HAPLN1: variants seen among roughly 807,000 people sequenced by gnomAD.
HAPLN1 encodes the protein hyaluronan and proteoglycan link protein 1.
Under a neutral mutation model 36.5 loss-of-function variants are expected in HAPLN1, and 13 were observed. That is an observed-to-expected ratio of 0.36 (90% CI 0.23 to 0.57). The LOEUF (loss-of-function observed/expected upper bound fraction) is 0.57, where lower values mean the gene tolerates loss of function less well. Among genes scored for constraint, HAPLN1 ranks in the 20% least tolerant of loss-of-function variants. HAPLN1 has a pLI of 0.83. For synonymous variants in HAPLN1, 202 were observed against 169.8 expected (o/e 1.19, Z -1.48); for missense variants, 407 against 439.7 (o/e 0.93, Z 0.66).
intron 2 of HAPLN1, among the ~76,000 whole-genome samples, chr5:83,671,921 A>G (rs1056102529): frequency 3.9e-5 from 6 of 152,252 alleles, no homozygotes; most frequent in Non-Finnish European, 8.8e-5. Context: ...ACTCTGGGTC[A>G]GAAATCCCCT....
Position 83,661,492 on chromosome 5 carries a change from C to T in HAPLN1, c.101-8668G>A, listed in dbSNP as rs1341506051. On this transcript the variant is annotated intron_variant, in intron 2 of 4. Transcript: ENST00000274341. ...CGGAGTCCTGCTCTGTTGCGAAGGC[C>T]GGAGTGCAGTGGCGCGATCTCAGCT... Among the ~76,000 whole-genome samples the T allele has an allele frequency of 7.1e-5, 9 of 127,588 alleles. No individual in the cohort carries two copies. The South Asian group carries it at 9.9e-4, about 14-fold the overall frequency. The allele number at this position is 127,588 out of a possible 152,430, so 83.7% of individuals were successfully genotyped here. A position where few individuals can be genotyped will look rare whatever the true frequency, so the allele number is the denominator to read the frequency against.
chr5:83,681,918 A>G (rs1751011625), intron 1 of HAPLN1, among the ~76,000 whole-genome samples: 1 of 152,200 alleles, frequency 6.6e-6, no homozygotes, highest in South Asian at 2.1e-4. Context: ...GCACACAACT[A>G]AATGAATACA....
intron 1 of HAPLN1, among the ~76,000 whole-genome samples, chr5:83,709,908 A>G (rs141007904): frequency 5.3e-5 from 8 of 152,318 alleles, no homozygotes; most frequent in African/African-American, 1.9e-4. Context: ...GATTTATGCT[A>G]ATGGAGAGAG....
chr5:83,709,034 C>A (rs1343486493), intron 1 of HAPLN1, among the ~76,000 whole-genome samples: 1 of 152,098 alleles, frequency 6.6e-6, no homozygotes, highest in Admixed American at 6.5e-5. Flanking sequence ...TGCCACCATG[C>A]CCTGATAATT....
At chr5:83,714,435 G>A (rs750037180) in intron 1 of HAPLN1, among the ~76,000 whole-genome samples, 10 of 152,126 alleles carry the variant, frequency 6.6e-5, no homozygotes, top group Non-Finnish European at 1.3e-4. Context: ...AACATAAACT[G>A]AGAAGATATT....
chr5:83,642,662 A>G (rs562176097), intron 4 of HAPLN1, among the ~76,000 whole-genome samples: 74 of 152,314 alleles, frequency 4.9e-4, no homozygotes, highest in Non-Finnish European at 8.2e-4. Flanking sequence ...TTGCCTGATT[A>G]GACATGTAAT....
intron 1 of HAPLN1, among the ~76,000 whole-genome samples, chr5:83,717,047 A>G (rs1431901953): frequency 1.3e-5 from 2 of 152,092 alleles, no homozygotes; most frequent in Non-Finnish European, 2.9e-5. Flanking sequence ...AAAAAAAACA[A>G]AAACTAGAAA....
chr5:83,716,935 G>A (rs1751926882), intron 1 of HAPLN1, among the ~76,000 whole-genome samples: 1 of 152,142 alleles, frequency 6.6e-6, no homozygotes, highest in South Asian at 2.1e-4. Context: ...GAGAGGCTGA[G>A]GCAGGGGAAT....
rs1011660567 is a variant in HAPLN1, at chr5:83,695,949, A to G, written c.-26-22400T>C. On this transcript the variant is annotated intron_variant, in intron 1 of 4. Transcript: ENST00000274341. Reference sequence around the variant, plus strand: ...TGGAATTAAGGCAAGAAAAAGAAATAGAAGTCAAACAGATTGGAAAGGAAG... The same window carrying G: ...TGGAATTAAGGCAAGAAAAAGAAATGGAAGTCAAACAGATTGGAAAGGAAG... Among the ~76,000 whole-genome samples the G allele has an allele frequency of 8.3e-4, 126 of 152,078 alleles. 1 individual carries two copies. Among genetic ancestry groups the G allele is most frequent in the Non-Finnish European group, 1.0e-4 (7 of 67,962 alleles).
chr5:83,659,919 G>C (rs1056443682), intron 2 of HAPLN1, among the ~76,000 whole-genome samples: 1 of 150,768 alleles, frequency 6.6e-6, no homozygotes, highest in African/African-American at 2.4e-5. Context: ...AAAGTGATTG[G>C]TGCTGTTTTT....
intron 4 of HAPLN1, among the ~76,000 whole-genome samples, chr5:83,642,412 A>T (rs1384859108): frequency 6.6e-6 from 1 of 152,160 alleles, no homozygotes; most frequent in Non-Finnish European, 1.5e-5. Flanking sequence ...AAATTTGTTT[A>T]TTTTTTTCAA....
intron 2 of HAPLN1, among the ~76,000 whole-genome samples, chr5:83,660,003 C>A (rs77311917): frequency 0.013 from 1,981 of 152,076 alleles, 51 homozygotes; most frequent in African/African-American, 0.045. Flanking sequence ...ACTTCCCAAC[C>A]CTGCCAGGGG....
intron 1 of HAPLN1, among the ~76,000 whole-genome samples, chr5:83,720,275 C>T (rs987878331): frequency 2.0e-5 from 3 of 152,126 alleles, no homozygotes; most frequent in African/African-American, 4.8e-5. Context: ...GAAGCCTGGG[C>T]CAAAAATGGC....
intron 1 of HAPLN1, among the ~76,000 whole-genome samples, chr5:83,695,461 C>A (rs1751370610): frequency 6.6e-6 from 1 of 151,720 alleles, no homozygotes; most frequent in Non-Finnish European, 1.5e-5. Context: ...AAGACAGACA[C>A]AACAATCAAT....
In HAPLN1 at chr5:83,671,588, G is replaced by A. The variant is rs911974489; in HGVS notation, c.100+1836C>T. On this transcript the variant is annotated intron_variant, in intron 2 of 4. Transcript: ENST00000274341. ...TAAAAAACAGCTGGAATTATGGAAG[G>A]TCACTTGGAAGCAGTTTCTCTGAAG... 5.3e-5 allele frequency among the ~76,000 whole-genome samples: 8 copies of A among 152,300 alleles called. No homozygotes were observed. In the East Asian group the frequency reaches 1.2e-3, roughly 22 times the overall value.
chr5:83,678,308 AT>A (rs1320750327), intron 1 of HAPLN1, among the ~76,000 whole-genome samples: 1 of 151,646 alleles, frequency 6.6e-6, no homozygotes, highest in Non-Finnish European at 1.5e-5. Flanking sequence ...CATATTAGTT[AT>A]TTTCTAAAAA....
rs139457628 is a variant in HAPLN1 at position 83,652,606 on chromosome 5, C to T, written c.319G>A (p.Gly107Ser). The change falls in exon 3 of 5, where the codon GGC (glycine) becomes AGC (serine). Residue 107 changes from glycine (G) to serine (S), a missense_variant. Physicochemically the swap from Gly to Ser is moderately conservative, Grantham distance 56. Transcript: ENST00000274341. ...SMGYHKKTYGGYQGRVFLKGG... is the reference protein window; with the variant it reads ...SMGYHKKTYGSYQGRVFLKGG... Reference sequence around the variant, plus strand: ...TTCAGAAACACTCTACCCTGGTAGCCTCCATAGGTTTTTTTGTGGTATCCC... The same window carrying T: ...TTCAGAAACACTCTACCCTGGTAGCTTCCATAGGTTTTTTTGTGGTATCCC... 103 of 1,614,164 alleles carry T rather than the reference C, an allele frequency of 6.4e-5. No individual in the cohort carries two copies. In the African/African-American group the frequency reaches 1.2e-3, roughly 19 times the overall value.
rs1351554857 is a variant in HAPLN1 at position 83,641,373 on chromosome 5, C to A, written c.*123G>T. The stretch of plus-strand genomic sequence containing the variant: ...TGAATTGATCTTTATGAAAATGACT[C>A]TTTACAGTAAGTAAAAAAGGGTTAT... On this transcript the variant is annotated 3_prime_UTR_variant, in exon 5 of 5. Coordinates refer to ENST00000274341, the MANE Select transcript of HAPLN1 (RefSeq NM_001884.4). 1.3e-6 allele frequency: 1 copy of A among 786,594 alleles called. No homozygotes were observed. Among genetic ancestry groups the A allele is most frequent in the African/African-American group, 1.7e-5 (1 of 57,258 alleles). The allele number at this position is 786,594 out of a possible 1,614,324, so 48.7% of individuals were successfully genotyped here. A position where few individuals can be genotyped will look rare whatever the true frequency, so the allele number is the denominator to read the frequency against.
chr5:83,649,437 G>GT (rs111884104), intron 3 of HAPLN1, among the ~76,000 whole-genome samples: 108 of 150,642 alleles, frequency 7.2e-4, no homozygotes, highest in East Asian at 2.1e-3. Context: ...CAAGTATCTG[G>GT]TTTTTTTTTG....
Sources: gnomAD v4.1 joint callset for allele counts (sites outside exome capture counted in the v4.1 genomes callset) on GRCh38, gnomAD v4.1.1 for gene constraint, MANE v1.5 for transcripts, NCBI Gene and HGNC (gene_info 2026-07-23, HGNC 2026-07-21) for gene names.